The following AP3S1 variants were observed in gnomAD, a reference collection of about 807,000 sequenced individuals.
AP3S1 encodes adaptor related protein complex 3 subunit sigma 1, also known as AP-3 complex subunit sigma-1.
Under a neutral mutation model 21.3 loss-of-function variants are expected in AP3S1, and 12 were observed. That is an observed-to-expected ratio of 0.56 (90% confidence interval 0.36 to 0.91). The LOEUF (loss-of-function observed/expected upper bound fraction) is 0.91. Ranked by LOEUF, AP3S1 falls within the 40% of genes least tolerant of loss-of-function variation. The probability of loss-of-function intolerance (pLI) is 0.01; values close to 1 mark genes in which losing one functional copy is unlikely to be tolerated. For missense variants in AP3S1, 116 were observed against 225.0 expected (o/e 0.52, Z 3.10); for synonymous variants, 48 against 78.4 (o/e 0.61, Z 2.05).
chr5:115,867,176 C>G (rs935366023), intron 2 of AP3S1, among the ~76,000 whole-genome samples: 7 of 152,062 alleles, frequency 4.6e-5, no homozygotes, highest in Non-Finnish European at 8.8e-5. Context: ...TGAGATCACA[C>G]TTTGTATGCT....
intron 4 of AP3S1, among the ~76,000 whole-genome samples, chr5:115,901,365 A>G (rs1357152384): frequency 7.0e-6 from 1 of 142,720 alleles, no homozygotes; most frequent in East Asian, 2.0e-4. Flanking sequence ...AAGTTTCTGT[A>G]TGAACTTTTA....
intron 3 of AP3S1, among the ~76,000 whole-genome samples, chr5:115,891,285 C>A (rs1158009123): frequency 6.6e-6 from 1 of 152,132 alleles, no homozygotes; most frequent in East Asian, 1.9e-4. Context: ...ATACATCTGA[C>A]ACCAGATATT....
intron 1 of AP3S1, among the ~76,000 whole-genome samples, chr5:115,848,273 G>C (rs1255407272): frequency 6.6e-6 from 1 of 152,000 alleles, no homozygotes; most frequent in East Asian, 1.9e-4. Flanking sequence ...TTAACACTTA[G>C]TGTATTTCCC....
intron 3 of AP3S1, among the ~76,000 whole-genome samples, chr5:115,879,118 A>G (rs893004367): frequency 6.6e-6 from 1 of 152,154 alleles, no homozygotes; most frequent in Non-Finnish European, 1.5e-5. Context: ...GGAGTTTTCT[A>G]AATATACAAT....
chr5:115,857,135 C>T (rs1448106415), intron 1 of AP3S1, among the ~76,000 whole-genome samples: 3 of 152,202 alleles, frequency 2.0e-5, no homozygotes, highest in African/African-American at 7.2e-5. Flanking sequence ...CAGTTGACCT[C>T]TTCCTTGATA....
At chr5:115,888,213 A>G (rs1428155811) in intron 3 of AP3S1, among the ~76,000 whole-genome samples, 1 of 152,090 alleles carries the variant, frequency 6.6e-6, no homozygotes, top group Non-Finnish European at 1.5e-5. Context: ...TTGAAGCACA[A>G]GAGGGTGCTG....
intron 1 of AP3S1, among the ~76,000 whole-genome samples, chr5:115,862,339 C>G (rs572565613): frequency 1.3e-5 from 2 of 151,758 alleles, no homozygotes; most frequent in African/African-American, 4.8e-5. Context: ...AAATTAAAAA[C>G]TTTGGAGATA....
intron 1 of AP3S1, among the ~76,000 whole-genome samples, chr5:115,857,553 C>T (rs970858782): frequency 1.2e-4 from 18 of 152,090 alleles, no homozygotes; most frequent in Admixed American, 2.6e-4. Flanking sequence ...TCAAGTTATA[C>T]GTACATATTG....
At chr5:115,893,111 C>T (rs549738711) in intron 3 of AP3S1, among the ~76,000 whole-genome samples, 1 of 152,292 alleles carries the variant, frequency 6.6e-6, no homozygotes, top group South Asian at 2.1e-4. Flanking sequence ...AAAGTAATCC[C>T]TTCTGGTTCT....
intron 1 of AP3S1, among the ~76,000 whole-genome samples, chr5:115,854,919 G>C (rs1002862364): frequency 6.6e-6 from 1 of 151,766 alleles, no homozygotes; most frequent in African/African-American, 2.4e-5. Flanking sequence ...TATGTTATTT[G>C]TACTACTCTT....
chr5:115,884,787 G>A (rs1278026219), intron 3 of AP3S1, among the ~76,000 whole-genome samples: 2 of 151,978 alleles, frequency 1.3e-5, no homozygotes, highest in Admixed American at 6.6e-5. Flanking sequence ...ATTTTTCTGG[G>A]TTAAAAAATC....
At chr5:115,906,511 A>G (rs1751666490) in intron 5 of AP3S1, among the ~76,000 whole-genome samples, 1 of 152,190 alleles carries the variant, frequency 6.6e-6, no homozygotes, top group Non-Finnish European at 1.5e-5. Flanking sequence ...ATTTCCATCT[A>G]TTCTATTTTG....
chr5:115,909,130 A>G (rs1430895850), intron 5 of AP3S1: 1 of 302,950 alleles, frequency 3.3e-6, no homozygotes, highest in Non-Finnish European at 4.8e-6. Context: ...ATGGTATTTT[A>G]TGTCTTAGAT....
chr5:115,894,607 A>T (rs1035899715), intron 3 of AP3S1, among the ~76,000 whole-genome samples: 7 of 152,332 alleles, frequency 4.6e-5, no homozygotes, highest in African/African-American at 1.7e-4. Context: ...GTTTGGACCC[A>T]GGTAAGTCTG....
intron 2 of AP3S1, among the ~76,000 whole-genome samples, chr5:115,869,402 C>T (rs1254433002): frequency 1.3e-5 from 2 of 152,088 alleles, no homozygotes; most frequent in Non-Finnish European, 2.9e-5. Context: ...ATCTAGTAAG[C>T]ACTTACAAAT....
At chr5:115,854,384 G>T (rs1033739346) in intron 1 of AP3S1, among the ~76,000 whole-genome samples, 1 of 152,162 alleles carries the variant, frequency 6.6e-6, no homozygotes, top group Non-Finnish European at 1.5e-5. Context: ...AAATAGGAGA[G>T]AATTCTTCTC....
At chr5:115,910,691 A>G (rs1403285267) in intron 5 of AP3S1, among the ~76,000 whole-genome samples, 1 of 152,078 alleles carries the variant, frequency 6.6e-6, no homozygotes, top group African/African-American at 2.4e-5. Flanking sequence ...TGAGTGACAT[A>G]AAGTCTTTTT....
chr5:115,883,262 T>C (rs956600719), intron 3 of AP3S1, among the ~76,000 whole-genome samples: 1 of 152,146 alleles, frequency 6.6e-6, no homozygotes, highest in African/African-American at 2.4e-5. Flanking sequence ...GAGAAAAAAC[T>C]CCTGCAGCTA....
intron 1 of AP3S1, among the ~76,000 whole-genome samples, chr5:115,862,784 C>T (rs1277532876): frequency 6.6e-6 from 1 of 152,080 alleles, no homozygotes; most frequent in Admixed American, 6.5e-5. Flanking sequence ...TATCATAAAC[C>T]TTGAATAACA....
Sources: allele counts gnomAD v4.1 joint callset (sites outside exome capture counted in the v4.1 genomes callset), GRCh38; gene constraint gnomAD v4.1.1; transcripts MANE v1.5; gene names NCBI Gene and HGNC (gene_info 2026-07-23, HGNC 2026-07-21).